The following NPAT variants were observed in gnomAD, a reference collection of about 807,000 sequenced individuals.
NPAT encodes protein NPAT.
Under a neutral mutation model 130.7 loss-of-function variants are expected in NPAT, and 52 were observed. That is an observed-to-expected ratio of 0.40 (90% CI 0.32 to 0.50). The LOEUF (loss-of-function observed/expected upper bound fraction) is 0.50. Among genes scored for constraint, NPAT ranks in the 20% least tolerant of loss-of-function variants. The pLI is 0.68. For missense variants in NPAT, 1,687 were observed against 1,662.6 expected (o/e 1.01, Z -0.26); for synonymous variants, 580 against 584.8 (o/e 0.99, Z 0.12).
rs553164140 is a variant in NPAT at position 108,176,169 on chromosome 11, T to G, written c.1132+77A>C. 3 of 1,112,406 alleles carry G rather than the reference T, an allele frequency of 2.7e-6. No homozygotes were observed. The East Asian group carries it at 7.1e-5, about 26-fold the overall frequency. The allele number at this position is 1,112,406 out of a possible 1,614,324, so 68.9% of individuals were successfully genotyped here. On this transcript the variant is annotated intron_variant, in intron 12 of 17. Transcript: ENST00000278612. ...AATCTGAACAACTTCTACTTCCAAA[T>G]TAATATTTTCTGCCTTTGAATTTTG...
At position 108,172,745 on chromosome 11, in the gene NPAT, C is replaced by T; in HGVS notation, c.2239G>A (p.Asp747Asn). ...IVSLKVIISD[D>N]PFVSSDTELT... ...TCAGTATCTGAGGAAACAAATGGAT[C>T]ATCACTAATGATAACTTTGAGAGAG... The change falls in exon 13 of 18, where the codon GAT becomes AAT. Residue 747 changes from aspartate to asparagine, a missense_variant. Asp to Asn is a conservative substitution (Grantham distance 23). This residue lies in a region of NPAT where 1,379 missense variants were observed against 1,346.6 expected (regional missense o/e 1.02). Coordinates refer to ENST00000278612, the MANE Select transcript of NPAT (RefSeq NM_002519.3). The T allele has an allele frequency of 6.2e-7, 1 of 1,613,510 alleles. No homozygotes were observed. Among genetic ancestry groups the T allele is most frequent in the East Asian group, 2.2e-5 (1 of 44,874 alleles).
chr11:108,162,905 G>A (rs1352491259), intron 15 of NPAT, among the ~76,000 whole-genome samples: 1 of 152,162 alleles, frequency 6.6e-6, no homozygotes, highest in Non-Finnish European at 1.5e-5. Flanking sequence ...CAGAGCACAT[G>A]CTCTGGAGTT....
intron 10 of NPAT, among the ~76,000 whole-genome samples, chr11:108,181,881 T>A (rs1298617599): frequency 6.6e-6 from 1 of 152,200 alleles, no homozygotes; most frequent in Non-Finnish European, 1.5e-5. Flanking sequence ...TTCCTGAGAA[T>A]CTGTGGCAGA....
Position 108,221,655 on chromosome 11 carries a change from AT to A in NPAT, c.37+844del, listed in dbSNP as rs535992695. Among the ~76,000 whole-genome samples, 109 of 152,302 alleles carry A rather than the reference AT, an allele frequency of 7.2e-4. 1 individual carries two copies. Among genetic ancestry groups the A allele is most frequent in the African/African-American group, 2.5e-3 (103 of 41,570 alleles). On this transcript the variant is annotated intron_variant, in intron 1 of 17. Coordinates refer to ENST00000278612, the MANE Select transcript of NPAT (RefSeq NM_002519.3). ...GGAGGTTTCATCACAGATGCTTGCC[AT>A]TTACTTTTAGGGACGTCGCATACGA...
At chr11:108,200,483 C>T (rs988661608) in intron 1 of NPAT, among the ~76,000 whole-genome samples, 1 of 152,130 alleles carries the variant, frequency 6.6e-6, no homozygotes, top group Non-Finnish European at 1.5e-5. Flanking sequence ...CTTTGTCTCA[C>T]CCTAGTGCAG....
chr11:108,161,900 A>G lies in NPAT; in HGVS notation c.3186T>C (p.Arg1062=), dbSNP rs2077855110. The G allele has an allele frequency of 3.1e-6, 5 of 1,612,894 alleles. No homozygotes were observed. The highest frequency in any genetic ancestry group is 1.7e-6 in the Non-Finnish European group (2 of 1,179,394). The change falls in exon 17 of 18, where the codon CGT becomes CGC. Residue 1062 remains arginine (R), a synonymous_variant. Coordinates refer to ENST00000278612, the MANE Select transcript of NPAT (RefSeq NM_002519.3). Reference sequence around the variant, plus strand: ...CAGTAGTGCTGTCGAAACAGAGTACACGTCTGTGGCATGGTTTAGCAGCTG... The same window carrying G: ...CAGTAGTGCTGTCGAAACAGAGTACGCGTCTGTGGCATGGTTTAGCAGCTG... ...IVPAAKPCHR[R]VLCFDSTTAP...
chr11:108,221,160 A>G (rs1319779147), intron 1 of NPAT, among the ~76,000 whole-genome samples: 1 of 152,154 alleles, frequency 6.6e-6, no homozygotes, highest in East Asian at 1.9e-4. Flanking sequence ...CAATATCTAG[A>G]GACATTTTCA....
rs183226283 is a variant in NPAT at position 108,157,851 on chromosome 11, C to T, written c.*1091G>A. 1 of 152,598 alleles carries T rather than the reference C, an allele frequency of 6.6e-6. No homozygotes were observed. The highest frequency in any genetic ancestry group is 1.9e-4 in the East Asian group (1 of 5,180). The allele number at this position is 152,598 out of a possible 1,614,324, so 9.5% of individuals were successfully genotyped here. On this transcript the variant is annotated 3_prime_UTR_variant, in exon 18 of 18. Transcript: ENST00000278612. ...TGAGTCTAATACAGAGAAGGCACCT[C>T]TCTCATCTCTCACTCTCCTTAAGGA...
chr11:108,188,252 G>C, intron 6 of NPAT, 73 bp from the exon 7 acceptor site: 3 of 1,072,678 alleles, frequency 2.8e-6, no homozygotes, highest in Non-Finnish European at 4.3e-6. Context: ...GGGATAAAAA[G>C]CATTAGTGAT....
In NPAT at chr11:108,173,179, T is replaced by C. The variant is rs772078556; in HGVS notation, c.1805A>G (p.Gln602Arg). 12 of 1,613,686 alleles carry C rather than the reference T, an allele frequency of 7.4e-6. No homozygotes were observed. In the East Asian group the frequency reaches 2.5e-4, roughly 33 times the overall value. ...AACAGACACAGGTAGTATTTCACTTTGAAGACAAGAATTATCTTGGCAATT... is the reference window on the plus strand; with the variant it reads ...AACAGACACAGGTAGTATTTCACTTCGAAGACAAGAATTATCTTGGCAATT... ...LSNCQDNSCL[Q>R]SEILPVSVES... Residue 602 changes from glutamine (Q) to arginine (R), a missense_variant, in exon 13 of 18, where the codon CAA (glutamine) becomes CGA (arginine). Gln to Arg is a conservative substitution (Grantham distance 43, BLOSUM62 1). Around this residue, in one of 3 missense-constraint regions of NPAT, gnomAD observed 1,379 missense variants for 1,346.6 expected, o/e 1.02. Coordinates refer to ENST00000278612, the MANE Select transcript of NPAT (RefSeq NM_002519.3).
At chr11:108,177,151 T>C (rs2078015832) in intron 10 of NPAT, 61 bp from the exon 11 acceptor site, 2 of 717,240 alleles carry the variant, frequency 2.8e-6, no homozygotes. Flanking sequence ...ATTTACATAT[T>C]ATATATATAT....
At position 108,173,097 on chromosome 11, in the gene NPAT, C is replaced by G; in HGVS notation, c.1887G>C (p.Leu629=). The change falls in exon 13 of 18, where the codon CTG becomes CTC. Residue 629 remains leucine (L), a synonymous_variant. Transcript: ENST00000278612. The part of the protein sequence containing the change: ...GQVEIHLGDS[L]SSTKQPSNDS... ...CATTAGATGGTTGTTTAGTAGAAGA[C>G]AGCGAATCTCCAAGATGAATTTCTA... 6.2e-7 allele frequency: 1 copy of G among 1,614,064 alleles called. No individual in the cohort carries two copies. Among genetic ancestry groups the G allele is most frequent in the Non-Finnish European group, 8.5e-7 (1 of 1,179,992 alleles).
At chr11:108,208,354 G>T in intron 1 of NPAT, 1 of 391,992 alleles carries the variant, frequency 2.6e-6, no homozygotes, top group Non-Finnish European at 5.2e-6. Context: ...CTTTGGGGAG[G>T]CTGAGGTGGT....
At chr11:108,189,043 ATAT>A (rs760043469) in intron 6 of NPAT, 60 bp downstream of exon 6, 26 of 1,273,534 alleles carry the variant, frequency 2.0e-5, no homozygotes, top group Non-Finnish European at 2.8e-5. Flanking sequence ...AGACATTAGT[ATAT>A]TATCTCATTC....
At chr11:108,212,408 C>G (rs927091283) in intron 1 of NPAT, among the ~76,000 whole-genome samples, 6 of 151,280 alleles carry the variant, frequency 4.0e-5, no homozygotes, top group Admixed American at 2.6e-4. Flanking sequence ...GCCTGTAATG[C>G]CAACTACTCA....
At chr11:108,164,536 G>C (rs1247513294) in intron 15 of NPAT, among the ~76,000 whole-genome samples, 1 of 152,230 alleles carries the variant, frequency 6.6e-6, no homozygotes, top group Non-Finnish European at 1.5e-5. Context: ...CAGGTAAAAG[G>C]TGAGGATTCA....
At chr11:108,187,046 T>C (rs1229595741) in intron 7 of NPAT, among the ~76,000 whole-genome samples, 1 of 152,192 alleles carries the variant, frequency 6.6e-6, no homozygotes, top group Non-Finnish European at 1.5e-5. Context: ...TCTAACCTAC[T>C]TTATAATGAC....
rs756218546 is a variant in NPAT, at chr11:108,161,212, T to C, written c.3874A>G (p.Ser1292Gly). The C allele has an allele frequency of 1.2e-6, 2 of 1,614,158 alleles. No individual in the cohort carries two copies. Among genetic ancestry groups the C allele is most frequent in the South Asian group, 1.1e-5 (1 of 91,086 alleles). ...CTACTGTCTTCACTGAAACGCCTACTAGAGGGGGCCTTGATAATATCTATA... is the reference window on the plus strand; with the variant it reads ...CTACTGTCTTCACTGAAACGCCTACCAGAGGGGGCCTTGATAATATCTATA... ...EPIDIIKAPS[S>G]RRFSEDSSTS... is the part of the protein sequence containing the mutation. The change falls in exon 17 of 18, where the codon AGT becomes GGT. Residue 1292 changes from serine (S) to glycine (G), a missense_variant. Transcript: ENST00000278612.
At chr11:108,207,505 T>G (rs1193062942) in intron 1 of NPAT, among the ~76,000 whole-genome samples, 1 of 152,220 alleles carries the variant, frequency 6.6e-6, no homozygotes, top group Non-Finnish European at 1.5e-5. Flanking sequence ...GCCTCACCCT[T>G]GGCCTCCCTC....
Sources: gnomAD v4.1 joint callset for allele counts (sites outside exome capture counted in the v4.1 genomes callset) on GRCh38, gnomAD v4.1.1 for gene constraint, gnomAD v4.1.1 regional missense constraint, MANE v1.5 for transcripts, NCBI Gene and HGNC (gene_info 2026-07-23, HGNC 2026-07-21) for gene names.